A2M: variants seen among roughly 807,000 people sequenced by gnomAD.
The protein encoded by A2M is alpha-2-macroglobulin.
Under a neutral mutation model 183.9 loss-of-function variants are expected in A2M, and 128 were observed. The ratio of observed to expected loss-of-function variants is 0.70; its 90% confidence interval spans 0.60 to 0.81. A2M has a LOEUF of 0.81. Ranked by LOEUF, A2M falls within the 30% of genes least tolerant of loss-of-function variation. A2M has a pLI of 0.00. For missense variants in A2M, 1,495 were observed against 1,787.6 expected (o/e 0.84, Z 2.95); for synonymous variants, 592 against 670.8 (o/e 0.88, Z 1.81).
Position 9,074,705 on chromosome 12 carries a change from G to A in A2M, c.3611C>T (p.Ala1204Val). The change falls in exon 29 of 36, where the codon GCT becomes GTT. Residue 1204 changes from alanine to valine, a missense_variant. By Grantham distance (64) the Ala-to-Val change is moderately conservative. Coordinates refer to ENST00000318602, the MANE Select transcript of A2M (RefSeq NM_000014.6). Reference sequence around the variant, plus strand: ...CACATAGGATGTCATCTCCACCTCAGCAGAGGGAGCCTGGGGTTCGTAAAA... The same window carrying A: ...CACATAGGATGTCATCTCCACCTCAACAGAGGGAGCCTGGGGTTCGTAAAA... Reference protein sequence around the residue: ...GHFYEPQAPSAEVEMTSYVLL... With the variant: ...GHFYEPQAPSVEVEMTSYVLL... 1 of 1,614,000 alleles carries A rather than the reference G, an allele frequency of 6.2e-7. No homozygotes were observed. The highest frequency in any genetic ancestry group is 8.5e-7 in the Non-Finnish European group (1 of 1,179,982).
chr12:9,089,719 T>C (rs967263320), intron 21 of A2M, among the ~76,000 whole-genome samples, 183 bp downstream of exon 21: 1 of 152,026 alleles, frequency 6.6e-6, no homozygotes, highest in African/African-American at 2.4e-5. Flanking sequence ...CCAGCCTGGA[T>C]GACAGAGCAA....
chr12:9,068,310 A>G, intron 34 of A2M, 86 bp from the exon 35 acceptor site: 1 of 1,410,268 alleles, frequency 7.1e-7, no homozygotes, highest in Non-Finnish European at 9.7e-7. Context: ...CAGGCCAAGG[A>G]AGGAGTTTGT....
intron 1 of A2M, among the ~76,000 whole-genome samples, chr12:9,114,413 TTGA>T (rs1456030798): frequency 1.3e-5 from 2 of 152,200 alleles, no homozygotes; most frequent in Non-Finnish European, 1.5e-5. Flanking sequence ...GATATTATTT[TTGA>T]TGATATTTTA....
In A2M at chr12:9,098,648, C is replaced by T. The variant is rs979197996; in HGVS notation, c.1810G>A (p.Val604Met). ...VCALRAVDQS[V>M]LLMKPDAELS... ...TCAGCATCAGGCTTCATGAGCAGCA[C>T]GCTTTGGTCCACAGCACGGAGGGCG... Residue 604 changes from valine to methionine, a missense_variant, in exon 15 of 36, where the codon GTG becomes ATG. Transcript: ENST00000318602. 4.3e-6 allele frequency: 7 copies of T among 1,609,422 alleles called. No homozygotes were observed. The African/African-American group carries it at 5.3e-5, about 12-fold the overall frequency.
intron 34 of A2M, among the ~76,000 whole-genome samples, chr12:9,068,492 A>G (rs1303942374): frequency 6.6e-6 from 1 of 152,192 alleles, no homozygotes; most frequent in Non-Finnish European, 1.5e-5. Context: ...CATACAGTCC[A>G]TTTATCTGAT....
Position 9,106,201 on chromosome 12 carries a change from A to G in A2M, c.1104+35T>C, listed in dbSNP as rs1471966064. 15 of 1,270,410 alleles carry G rather than the reference A, an allele frequency of 1.2e-5. No homozygotes were observed. The Admixed American group carries it at 2.4e-4, about 20-fold the overall frequency. 78.7% of individuals were successfully genotyped at this position (1,270,410 alleles called of 1,614,324 possible). On this transcript the variant is annotated intron_variant, in intron 10 of 35. Coordinates refer to ENST00000318602, the MANE Select transcript of A2M (RefSeq NM_000014.6). ...ACTATTGTGCTAATTAGGTAACAGT[A>G]CATGGGTTGATGAGTGAACTGGAAA...
rs139766687 is a variant in A2M, at chr12:9,100,987, A to G, written c.1558+157T>C. On this transcript the variant is annotated intron_variant, in intron 13 of 35. Transcript: ENST00000318602. Reference sequence around the variant, plus strand: ...GGTGATGGGTGCACCAAAATCTCGGAAATCACTACCAAAGAATTTATTCAT... The same window carrying G: ...GGTGATGGGTGCACCAAAATCTCGGGAATCACTACCAAAGAATTTATTCAT... Among the ~76,000 whole-genome samples the G allele has an allele frequency of 5.3e-4, 80 of 152,310 alleles. 1 individual carries two copies. The East Asian group carries it at 0.013, about 25-fold the overall frequency.
rs1451992872 is a variant in A2M, at chr12:9,090,028, A to T, written c.2597-5T>A. The T allele has an allele frequency of 5.7e-6, 9 of 1,581,916 alleles. No individual in the cohort carries two copies. Among genetic ancestry groups the T allele is most frequent in the South Asian group, 2.3e-5 (2 of 87,310 alleles). ...TCACAGTGAAATTCACATTTCCTGA[A>T]AAAAAAGGCCAGTAGAAATGAATAG... On this transcript the variant is annotated splice_region_variant and splice_polypyrimidine_tract_variant and intron_variant, in intron 20 of 35. Transcript: ENST00000318602.
chr12:9,068,735 C>T lies in A2M; in HGVS notation c.4366+5G>A, dbSNP rs1368561120. 1 of 1,587,684 alleles carries T rather than the reference C, an allele frequency of 6.3e-7. No individual in the cohort carries two copies. Among genetic ancestry groups the T allele is most frequent in the African/African-American group, 1.3e-5 (1 of 74,598 alleles). ...TATTTCTACGTGAAAATCACTCTCA[C>T]TCACCCGTCTCGTAGTAATCATAGA... On this transcript the variant is annotated splice_donor_5th_base_variant and intron_variant, in intron 34 of 35. Transcript: ENST00000318602.
intron 11 of A2M, among the ~76,000 whole-genome samples, 197 bp downstream of exon 11, chr12:9,104,042 G>A (rs1479514201): frequency 6.6e-6 from 1 of 152,176 alleles, no homozygotes; most frequent in East Asian, 1.9e-4. Context: ...CACTGCTAAA[G>A]TCTAACCCGC....
chr12:9,104,334 C>T lies in A2M; in HGVS notation c.1171G>A (p.Ala391Thr). 1.2e-6 allele frequency: 2 copies of T among 1,609,996 alleles called. No individual in the cohort carries two copies. The highest frequency in any genetic ancestry group is 1.7e-6 in the Non-Finnish European group (2 of 1,177,874). ...GTGGTAGCATTGGAGTAATAGTTTG[C>T]TTCATTTCCTCTGATGAATATGACT... The part of the protein sequence containing the change: ...NKVIFIRGNE[A>T]NYYSNATTDE... Residue 391 changes from alanine to threonine, a missense_variant, in exon 11 of 36, where the codon GCA becomes ACA. Physicochemically the swap from Ala to Thr is moderately conservative, Grantham distance 58. Coordinates refer to ENST00000318602, the MANE Select transcript of A2M (RefSeq NM_000014.6).
At position 9,068,232 on chromosome 12, in the gene A2M, A is replaced by C; in HGVS notation, c.4367-8T>G. 1.2e-6 allele frequency: 2 copies of C among 1,605,756 alleles called. No individual in the cohort carries two copies. The highest frequency in any genetic ancestry group is 8.5e-7 in the Non-Finnish European group (1 of 1,179,256). On this transcript the variant is annotated splice_polypyrimidine_tract_variant and splice_region_variant and intron_variant, in intron 34 of 35. Coordinates refer to ENST00000318602, the MANE Select transcript of A2M (RefSeq NM_000014.6). The stretch of plus-strand genomic sequence containing the variant: ...CAGCAATTGCAAACTCATCTGAAAA[A>C]AAAAAAACCAACAAAAAACCAGAAA...
chr12:9,095,625 T>C lies in A2M; in HGVS notation c.1927A>G (p.Ile643Val). The C allele has an allele frequency of 6.2e-7, 1 of 1,610,486 alleles. No individual in the cohort carries two copies. The highest frequency in any genetic ancestry group is 1.1e-5 in the South Asian group (1 of 90,994). Residue 643 changes from isoleucine (I) to valine (V), a missense_variant, in exon 16 of 36, where the codon ATC becomes GTC. Ile to Val is a conservative substitution (Grantham distance 29). Coordinates refer to ENST00000318602, the MANE Select transcript of A2M (RefSeq NM_000014.6). ...PLNDQDNEDC[I>V]NRHNVYINGI... ...TTAATATAGACATTATGACGATTGA[T>C]GCAGTCTTCATTGTCCTGGTCATTC...
In A2M at chr12:9,115,864, G is replaced by A. The variant is rs766716981; in HGVS notation, c.-15C>T. 2.5e-6 allele frequency: 4 copies of A among 1,605,710 alleles called. No homozygotes were observed. In the African/African-American group the frequency reaches 5.4e-5, roughly 21 times the overall value. On this transcript the variant is annotated 5_prime_UTR_variant, in exon 1 of 36. Transcript: ENST00000318602. ...TTCTTCCCCATGTTGCAGAAAGAAG[G>A]AGCTGGAGGAGAACAGACTGTATTG...
intron 13 of A2M, among the ~76,000 whole-genome samples, chr12:9,100,917 G>A (rs1041281237): frequency 6.6e-6 from 1 of 152,090 alleles, no homozygotes; most frequent in African/African-American, 2.4e-5. Flanking sequence ...GTGGAAGGGG[G>A]TGAGGGATAA....
intron 1 of A2M, among the ~76,000 whole-genome samples, chr12:9,114,799 G>A (rs1592402273): frequency 6.6e-6 from 1 of 151,938 alleles, no homozygotes; most frequent in Non-Finnish European, 1.5e-5. Flanking sequence ...TAAATAGAAT[G>A]TAACCATAAA....
At chr12:9,111,566 TGAGAGA>T (rs1470379441) in intron 4 of A2M, 1 of 456,240 alleles carries the variant, frequency 2.2e-6, no homozygotes, top group African/African-American at 2.0e-5. Context: ...GATGTGGGTA[TGAGAGA>T]AAGAGAAACA....
chr12:9,089,570 G>A (rs919711272), intron 21 of A2M, among the ~76,000 whole-genome samples: 5 of 152,060 alleles, frequency 3.3e-5, no homozygotes, highest in Non-Finnish European at 7.4e-5. Context: ...GTGAAATCCT[G>A]TCTCTACTAA....
At chr12:9,094,010 G>A (rs1949293432) in intron 17 of A2M, among the ~76,000 whole-genome samples, 1 of 152,122 alleles carries the variant, frequency 6.6e-6, no homozygotes, top group African/African-American at 2.4e-5. Context: ...GGCTTGGATT[G>A]TCTGTGGGGC....
Sources: gnomAD v4.1 joint callset for allele counts (sites outside exome capture counted in the v4.1 genomes callset) on GRCh38, gnomAD v4.1.1 for gene constraint, MANE v1.5 for transcripts, NCBI Gene and HGNC (gene_info 2026-07-23, HGNC 2026-07-21) for gene names.